The following ADAMTS5 variants were observed in gnomAD, a reference collection of about 807,000 sequenced individuals.
ADAMTS5 encodes A disintegrin and metalloproteinase with thrombospondin motifs 5.
ADAMTS5 carries 54 observed loss-of-function variants against 81.4 expected under a neutral mutation model. The observed-to-expected ratio is 0.66, with a 90% CI of 0.53 to 0.83. The LOEUF (loss-of-function observed/expected upper bound fraction) is 0.83, where lower values mean the gene tolerates loss of function less well. Among genes scored for constraint, ADAMTS5 ranks in the 40% least tolerant of loss-of-function variants. ADAMTS5 has a pLI of 0.00. For synonymous variants in ADAMTS5, 532 were observed against 508.8 expected, an observed-to-expected ratio of 1.05 and a Z score of -0.61; for missense variants, 1,194 against 1,229.9, an observed-to-expected ratio of 0.97 and a Z score of 0.44.
Position 26,943,843 on chromosome 21 carries a change from T to C in ADAMTS5, c.1238-296A>G, listed in dbSNP as rs190505870. Among the ~76,000 whole-genome samples, 105 of 152,294 alleles carry C rather than the reference T, an allele frequency of 6.9e-4. 1 individual carries two copies. In the South Asian group the frequency reaches 0.01, roughly 15 times the overall value. On this transcript the variant is annotated intron_variant, in intron 2 of 7. Transcript: ENST00000284987. ...TGGAAACAAAGCCTTATTTAGAATC[T>C]AGAGTTTGCGAGACAATTGTGGGAT...
chr21:26,966,383 G>A lies in ADAMTS5; in HGVS notation c.9C>T (p.Leu3=). ML[L]GWASLLLCAF... The stretch of plus-strand genomic sequence containing the variant: ...CGCACAGCAGCAGGGACGCCCACCC[G>A]AGCAGCATAGTGCGCTGCCCGCGGG... The change falls in exon 1 of 8, where the codon CTC becomes CTT. Residue 3 remains leucine, a synonymous_variant. Coordinates refer to ENST00000284987, the MANE Select transcript of ADAMTS5 (RefSeq NM_007038.5). 3 of 1,476,374 alleles carry A rather than the reference G, an allele frequency of 2.0e-6. No homozygotes were observed. The highest frequency in any genetic ancestry group is 2.7e-6 in the Non-Finnish European group (3 of 1,125,588). 91.5% of individuals were successfully genotyped at this position (1,476,374 alleles called of 1,614,324 possible). A position where few individuals can be genotyped will look rare whatever the true frequency, so the allele number is the denominator to read the frequency against.
intron 2 of ADAMTS5, among the ~76,000 whole-genome samples, chr21:26,954,359 T>A (rs1987378335): frequency 6.6e-6 from 1 of 152,110 alleles, no homozygotes. Context: ...CTGTGCAAAC[T>A]GATTAGCCCT....
chr21:26,924,150 G>A lies in ADAMTS5; in HGVS notation c.2696C>T (p.Thr899Met), dbSNP rs368781824. ...CCGGTTTCCATCCTGGCACTGCACCGTTCTGGTGTGCCAACCTGTGTCACA... is the reference window on the plus strand; with the variant it reads ...CCGGTTTCCATCCTGGCACTGCACCATTCTGGTGTGCCAACCTGTGTCACA... ...RTCDTGWHTR[T>M]VQCQDGNRKL... Residue 899 changes from threonine to methionine, a missense_variant, in exon 8 of 8, where the codon ACG (threonine) becomes ATG (methionine). This residue lies in a region of ADAMTS5 where 696 missense variants were observed against 817.6 expected (regional missense o/e 0.85). Transcript: ENST00000284987. 2.7e-5 allele frequency: 43 copies of A among 1,614,120 alleles called. No homozygotes were observed. The highest frequency in any genetic ancestry group is 1.8e-4 in the Admixed American group (11 of 60,016).
intron 7 of ADAMTS5, among the ~76,000 whole-genome samples, chr21:26,929,493 T>C (rs1986865961): frequency 6.6e-6 from 1 of 152,242 alleles, no homozygotes; most frequent in Admixed American, 6.5e-5. Context: ...GAAAACACAG[T>C]GTAAGGATAA....
rs1178008121 is a variant in ADAMTS5, at chr21:26,918,266, T to TA, written c.*5786dup. 6.6e-6 allele frequency: 1 copy of TA among 152,462 alleles called. No homozygotes were observed. The highest frequency in any genetic ancestry group is 1.5e-5 in the Non-Finnish European group (1 of 67,948). 9.4% of individuals were successfully genotyped at this position (152,462 alleles called of 1,614,324 possible). ...ATTGCTTCTGGAAAATTGAGGGTAA[T>TA]AAGCAGCGTACATTTTACATCTTAT... On this transcript the variant is annotated 3_prime_UTR_variant, in exon 8 of 8. Transcript: ENST00000284987.
chr21:26,949,838 AG>A (rs1408832642), intron 2 of ADAMTS5, among the ~76,000 whole-genome samples: 5 of 152,312 alleles, frequency 3.3e-5, no homozygotes, highest in African/African-American at 1.2e-4. Flanking sequence ...GTTTAATCCT[AG>A]TTTCCTTCGA....
rs1394878779 is a variant in ADAMTS5 at position 26,922,477 on chromosome 21, T to A, written c.*1576A>T. On this transcript the variant is annotated 3_prime_UTR_variant, in exon 8 of 8. Transcript: ENST00000284987. The stretch of plus-strand genomic sequence containing the variant: ...TTAACAATAGGCACATTTGGCAGGA[T>A]TACTATGAATTTTTATAAAGAAAAA... 6.6e-6 allele frequency: 1 copy of A among 152,048 alleles called. No individual in the cohort carries two copies. Among genetic ancestry groups the A allele is most frequent in the African/African-American group, 2.4e-5 (1 of 41,436 alleles). 9.4% of individuals were successfully genotyped at this position (152,048 alleles called of 1,614,324 possible).
At chr21:26,944,630 C>T (rs1016107483) in intron 2 of ADAMTS5, among the ~76,000 whole-genome samples, 1 of 152,080 alleles carries the variant, frequency 6.6e-6, no homozygotes, top group African/African-American at 2.4e-5. Flanking sequence ...TTTCTAGAAT[C>T]ATACACAAAC....
rs1289463018 is a variant in ADAMTS5, at chr21:26,919,114, A to G, written c.*4939T>C. ...AAAAATAGTAACTCAAAAATACCAC[A>G]TTTGACAGTCGGTCACGAAAGATGT... On this transcript the variant is annotated 3_prime_UTR_variant, in exon 8 of 8. Transcript: ENST00000284987. 6.6e-6 allele frequency: 1 copy of G among 152,046 alleles called. No individual in the cohort carries two copies. The highest frequency in any genetic ancestry group is 1.5e-5 in the Non-Finnish European group (1 of 67,946). 9.4% of individuals were successfully genotyped at this position (152,046 alleles called of 1,614,324 possible).
chr21:26,932,957 G>C lies in ADAMTS5; in HGVS notation c.1777C>G (p.His593Asp). 1 of 1,614,026 alleles carries C rather than the reference G, an allele frequency of 6.2e-7. No individual in the cohort carries two copies. The highest frequency in any genetic ancestry group is 2.2e-5 in the East Asian group (1 of 44,858). Residue 593 changes from histidine to aspartate, a missense_variant, in exon 5 of 8, where the codon CAC (histidine) becomes GAC (aspartate). By Grantham distance (81) the His-to-Asp change is moderately conservative (BLOSUM62 -1). Around this residue, in one of 2 missense-constraint regions of ADAMTS5, gnomAD observed 696 missense variants for 817.6 expected, o/e 0.85. Transcript: ENST00000284987. ...CGGGVQFAYR[H>D]CNNPAPRNNG... is the part of the protein sequence containing the mutation. ...TTTCTGGGAGCAGGGTTATTACAGT[G>C]ACGATAGGCAAACTGCACTCCTCCT...
chr21:26,937,367 G>A lies in ADAMTS5; in HGVS notation c.1406-2618C>T, dbSNP rs536650138. Among the ~76,000 whole-genome samples, 15 of 152,322 alleles carry A rather than the reference G, an allele frequency of 9.8e-5. No homozygotes were observed. The South Asian group carries it at 3.1e-3, about 32-fold the overall frequency. On this transcript the variant is annotated intron_variant, in intron 3 of 7. Coordinates refer to ENST00000284987, the MANE Select transcript of ADAMTS5 (RefSeq NM_007038.5). Reference sequence around the variant, plus strand: ...TTCCCTTAGAGGTCATACATGTGGAGATGATCTTCTCTTGCTTAAAATAAA... The same window carrying A: ...TTCCCTTAGAGGTCATACATGTGGAAATGATCTTCTCTTGCTTAAAATAAA...
chr21:26,963,713 G>C (rs1021203287), intron 1 of ADAMTS5, among the ~76,000 whole-genome samples: 3 of 122,940 alleles, frequency 2.4e-5, no homozygotes, highest in African/African-American at 8.7e-5. Context: ...ACAAGAAATG[G>C]ATAGTTTTAC....
chr21:26,936,771 G>C (rs1179811767), intron 3 of ADAMTS5, among the ~76,000 whole-genome samples: 1 of 152,152 alleles, frequency 6.6e-6, no homozygotes, highest in African/African-American at 2.4e-5. Context: ...AAGCCGATAG[G>C]AAAGAATGAT....
At position 26,966,172 on chromosome 21, in the gene ADAMTS5, C is replaced by A; in HGVS notation, c.220G>T (p.Val74Leu). 1 of 1,607,432 alleles carries A rather than the reference C, an allele frequency of 6.2e-7. No individual in the cohort carries two copies. The highest frequency in any genetic ancestry group is 8.5e-7 in the Non-Finnish European group (1 of 1,177,068). Residue 74 changes from valine to leucine, a missense_variant, in exon 1 of 8, where the codon GTG becomes TTG. Physicochemically the swap from Val to Leu is conservative, Grantham distance 32. Coordinates refer to ENST00000284987, the MANE Select transcript of ADAMTS5 (RefSeq NM_007038.5). ...GAGTAGAGTTGGTCGATGTTCTGCA[C>A]CAGCCCCTTGCTCCTGCGCCGCTGC... ...LAQRRRSKGL[V>L]QNIDQLYSGG...
chr21:26,964,211 G>A (rs1245119422), intron 1 of ADAMTS5, among the ~76,000 whole-genome samples: 2 of 152,178 alleles, frequency 1.3e-5, no homozygotes, highest in African/African-American at 4.8e-5. Flanking sequence ...GCATTTAAGA[G>A]GCACAACTTA....
chr21:26,927,830 T>A (rs1986832207), intron 7 of ADAMTS5, among the ~76,000 whole-genome samples: 1 of 152,024 alleles, frequency 6.6e-6, no homozygotes, highest in South Asian at 2.1e-4. Context: ...TGGATTGCGG[T>A]GGGAGCGGTC....
chr21:26,951,086 A>C (rs1215686661), intron 2 of ADAMTS5, among the ~76,000 whole-genome samples: 2 of 152,184 alleles, frequency 1.3e-5, no homozygotes, highest in African/African-American at 4.8e-5. Context: ...TTAATGAACT[A>C]AAAAGAAAAT....
Position 26,966,217 on chromosome 21 carries a change from CG to C in ADAMTS5, c.174del (p.Gly59AlafsTer107). On this transcript the variant is annotated frameshift_variant, in exon 1 of 8. Transcript: ENST00000284987. LOFTEE classifies it high-confidence loss of function. ...CGCTGCGCCAGGGGGTGCGGGTGGC[CG>C]GGAGGCTCGGCTCGCTCCTGCACCT... ...GEEVQERAEP[P>X]GHPHPLAQRR... is the part of the protein sequence containing the mutation. 6.3e-7 allele frequency: 1 copy of C among 1,597,618 alleles called. No homozygotes were observed. Among genetic ancestry groups the C allele is most frequent in the Non-Finnish European group, 8.5e-7 (1 of 1,173,122 alleles).
intron 2 of ADAMTS5, among the ~76,000 whole-genome samples, chr21:26,952,344 G>A (rs986713853): frequency 1.1e-4 from 16 of 152,214 alleles, no homozygotes; most frequent in Admixed American, 2.0e-4. Context: ...CTTACTGTGT[G>A]TGTACACACA....
Sources: allele counts gnomAD v4.1 joint callset (sites outside exome capture counted in the v4.1 genomes callset), GRCh38; gene constraint gnomAD v4.1.1; regional missense constraint gnomAD v4.1.1; transcripts MANE v1.5; gene names NCBI Gene and HGNC (gene_info 2026-07-23, HGNC 2026-07-21).